Variants in KEL observed in about 807,000 individuals in gnomAD.
The protein encoded by KEL is kell blood group glycoprotein.
A neutral mutation model predicts 99.5 loss-of-function variants in KEL; 96 were observed. The observed-to-expected ratio is 0.97, with a 90% CI of 0.82 to 1.14. The LOEUF (loss-of-function observed/expected upper bound fraction) is 1.14, where lower values mean the gene tolerates loss of function less well. KEL is among the 50% of genes most tolerant of loss of function. The pLI is 0.00. For missense variants in KEL, 926 were observed against 924.2 expected, an observed-to-expected ratio of 1.00 and a Z score of -0.03; for synonymous variants, 355 against 354.8, an observed-to-expected ratio of 1.00 and a Z score of -0.01.
rs1416324699 is a variant in KEL, at chr7:142,943,703, C to G, written c.1592+80G>C. The G allele has an allele frequency of 1.4e-5, 21 of 1,491,314 alleles. No individual in the cohort carries two copies. In the Admixed American group the frequency reaches 1.5e-4, roughly 11 times the overall value. 92.4% of individuals were successfully genotyped at this position (1,491,314 alleles called of 1,614,324 possible). On this transcript the variant is annotated intron_variant, in intron 14 of 18. Coordinates refer to ENST00000355265, the MANE Select transcript of KEL (RefSeq NM_000420.3). ...ACCATTACTGTTCATGCTGCCTGCC[C>G]TGAGCCCTGGCTTCCTTTCCTGTGA...
chr7:142,960,401 G>A (rs930152562), intron 4 of KEL, among the ~76,000 whole-genome samples: 4 of 152,318 alleles, frequency 2.6e-5, no homozygotes, highest in African/African-American at 9.6e-5. Flanking sequence ...CCGGCATGGT[G>A]AGAGGGAGAG....
intron 17 of KEL, 33 bp from the exon 18 acceptor site, chr7:142,942,562 G>A (rs1356992726): frequency 1.4e-6 from 2 of 1,480,584 alleles, no homozygotes; most frequent in East Asian, 2.3e-5. Context: ...GGGCCATCAG[G>A]CTCTAGACCT....
At chr7:142,954,035 AAAG>A in intron 8 of KEL, 79 bp from the exon 9 acceptor site, 1 of 1,569,640 alleles carries the variant, frequency 6.4e-7, no homozygotes, top group African/African-American at 1.3e-5. Flanking sequence ...GGTGTGAGAA[AAAG>A]AAGAGAACAG....
Position 142,958,385 on chromosome 7 carries a change from G to A in KEL, c.444C>T (p.Ala148=), listed in dbSNP as rs1213306569. The A allele has an allele frequency of 3.1e-6, 5 of 1,614,040 alleles. No homozygotes were observed. In the African/African-American group the frequency reaches 5.3e-5, roughly 17 times the overall value. ...CCATGCAGGAGTTGTAGAACTGGAAGGCTTTCTCCTCCCCAGAGCCTGGGT... is the reference window on the plus strand; with the variant it reads ...CCATGCAGGAGTTGTAGAACTGGAAAGCTTTCTCCTCCCCAGAGCCTGGGT... ...SWHPGSGEEK[A]FQFYNSCMDT... The change falls in exon 5 of 19, where the codon GCC becomes GCT. Residue 148 remains alanine (A), a synonymous_variant. Coordinates refer to ENST00000355265, the MANE Select transcript of KEL (RefSeq NM_000420.3).
chr7:142,962,229 G>A lies in KEL; in HGVS notation c.-23C>T. On this transcript the variant is annotated 5_prime_UTR_variant, in exon 1 of 19. Transcript: ENST00000355265. ...CATCTGTCTATCTTCTGTGGCTCCA[G>A]AATCCTTCCTGGTTCCACTCTAGGA... is the stretch of plus-strand genomic sequence containing the variant. 1 of 1,614,138 alleles carries A rather than the reference G, an allele frequency of 6.2e-7. No homozygotes were observed. The highest frequency in any genetic ancestry group is 8.5e-7 in the Non-Finnish European group (1 of 1,179,998).
rs1300866231 is a variant in KEL at position 142,941,371 on chromosome 7, G to C, written c.2080C>G (p.His694Asp). Residue 694 changes from histidine to aspartate, a missense_variant, in exon 19 of 19, where the codon CAC becomes GAC. His to Asp is a moderately conservative substitution (Grantham distance 81). Coordinates refer to ENST00000355265, the MANE Select transcript of KEL (RefSeq NM_000420.3). ...TGGACTCGGAGGTGTGGAGGGCTGTGAGTGTCGTGAGAGTCCTGGGGGCTG... is the reference window on the plus strand; with the variant it reads ...TGGACTCGGAGGTGTGGAGGGCTGTCAGTGTCGTGAGAGTCCTGGGGGCTG... ...KPSPQDSHDT[H>D]SPPHLRVHGP... 1.2e-6 allele frequency: 2 copies of C among 1,610,754 alleles called. No homozygotes were observed. The highest frequency in any genetic ancestry group is 1.7e-6 in the Non-Finnish European group (2 of 1,177,344).
At position 142,943,571 on chromosome 7, in the gene KEL, T is replaced by C; in HGVS notation, c.1618A>G (p.Asn540Asp). ...TGGTCAGATACCGAATAGTAAGCAT[T>C]GACGTCCCAAGGGGACACCTTCCAC... ...HRWKVSPWDV[N>D]AYYSVSDHVV... Residue 540 changes from asparagine to aspartate, a missense_variant, in exon 15 of 19, where the codon AAT becomes GAT. Physicochemically the swap from Asn to Asp is conservative, Grantham distance 23. Transcript: ENST00000355265. 6.2e-7 allele frequency: 1 copy of C among 1,614,058 alleles called. No individual in the cohort carries two copies. Among genetic ancestry groups the C allele is most frequent in the Non-Finnish European group, 8.5e-7 (1 of 1,179,962 alleles).
intron 10 of KEL, chr7:142,946,572 C>T (rs1292862624): frequency 9.0e-6 from 5 of 557,972 alleles, no homozygotes; most frequent in African/African-American, 7.5e-5. Flanking sequence ...GACAGCAAGG[C>T]CTCTAGGAGG....
intron 3 of KEL, 58 bp downstream of exon 3, chr7:142,961,302 C>T (rs924676869): frequency 1.2e-6 from 2 of 1,611,042 alleles, no homozygotes. Context: ...GGGACTGGGC[C>T]TGGGCCCCAG....
At chr7:142,952,407 A>T (rs1310136770) in intron 10 of KEL, 102 bp downstream of exon 10, 23 of 1,460,204 alleles carry the variant, frequency 1.6e-5, no homozygotes, top group Middle Eastern at 2.4e-4. Context: ...GGCATCTACC[A>T]TCACGGCCCC....
chr7:142,952,170 C>G (rs1796702062), intron 10 of KEL, among the ~76,000 whole-genome samples: 1 of 152,118 alleles, frequency 6.6e-6, no homozygotes, highest in Non-Finnish European at 1.5e-5. Context: ...ATTGTAAGCT[C>G]TAAGTCCAAG....
chr7:142,962,231 A>G lies in KEL; in HGVS notation c.-25T>C, dbSNP rs1331106028. ...TCTGTCTATCTTCTGTGGCTCCAGAATCCTTCCTGGTTCCACTCTAGGAGC... is the reference window on the plus strand; with the variant it reads ...TCTGTCTATCTTCTGTGGCTCCAGAGTCCTTCCTGGTTCCACTCTAGGAGC... On this transcript the variant is annotated 5_prime_UTR_variant, in exon 1 of 19. Transcript: ENST00000355265. 4 of 1,613,946 alleles carry G rather than the reference A, an allele frequency of 2.5e-6. No homozygotes were observed. The highest frequency in any genetic ancestry group is 1.7e-5 in the Admixed American group (1 of 59,996).
chr7:142,953,401 T>A (rs1190884507), intron 9 of KEL: 1 of 984,840 alleles, frequency 1.0e-6, no homozygotes, highest in Non-Finnish European at 1.2e-6. Context: ...CATCTCCTCA[T>A]CTCATGTGCC....
intron 5 of KEL, among the ~76,000 whole-genome samples, 163 bp from the exon 6 acceptor site, chr7:142,958,136 T>C (rs776155086): frequency 1.4e-4 from 22 of 152,152 alleles, no homozygotes; most frequent in Non-Finnish European, 2.8e-4. Context: ...TCTCCCAAGG[T>C]CCTGATACTT....
In KEL at chr7:142,960,924, TC is replaced by T. The variant is rs762609405; in HGVS notation, c.400+3del. 1.2e-6 allele frequency: 2 copies of T among 1,614,160 alleles called. No homozygotes were observed. Among genetic ancestry groups the T allele is most frequent in the Non-Finnish European group, 1.7e-6 (2 of 1,179,976 alleles). On this transcript the variant is annotated splice_donor_region_variant and intron_variant, in intron 4 of 18. Transcript: ENST00000355265. ...CAGAGCATCTTCCACCCTGCTTTCC[TC>T]ACCCAGTATTCTCCGAAGTCGGTTT...
chr7:142,943,280 C>A lies in KEL; in HGVS notation c.1767G>T (p.Gln589His), dbSNP rs138511569. ...MAHELLHIFY[Q>H]LLLPGGCLAC... ...CCAGTGGCCCCTGTTACCCACAGAG[C>A]TGGTAGAAGATGTGCAACAGCTCGT... Residue 589 changes from glutamine to histidine, a missense_variant, in exon 16 of 19, where the codon CAG becomes CAT. Physicochemically the swap from Gln to His is conservative, Grantham distance 24. Transcript: ENST00000355265. 5 of 1,613,864 alleles carry A rather than the reference C, an allele frequency of 3.1e-6. No individual in the cohort carries two copies. The African/African-American group carries it at 6.7e-5, about 22-fold the overall frequency.
chr7:142,958,499 G>A, intron 4 of KEL, 71 bp from the exon 5 acceptor site: 2 of 1,494,764 alleles, frequency 1.3e-6, no homozygotes, highest in Middle Eastern at 2.3e-4. Flanking sequence ...CCTATCAAAG[G>A]GGTCTGGGGA....
chr7:142,952,705 C>T, intron 9 of KEL, 67 bp from the exon 10 acceptor site: 1 of 1,578,228 alleles, frequency 6.3e-7, no homozygotes, highest in Non-Finnish European at 8.7e-7. Flanking sequence ...AAGAGCCTCT[C>T]CTTGTGTAAG....
chr7:142,942,175 C>T (rs1411583016), intron 18 of KEL: 1 of 562,714 alleles, frequency 1.8e-6, no homozygotes, highest in African/African-American at 1.9e-5. Flanking sequence ...GTCTCCTCCT[C>T]TCCTGGAGGA....
Sources: gnomAD v4.1 joint callset for allele counts (sites outside exome capture counted in the v4.1 genomes callset) on GRCh38, gnomAD v4.1.1 for gene constraint, MANE v1.5 for transcripts, NCBI Gene and HGNC (gene_info 2026-07-23, HGNC 2026-07-21) for gene names.